Variants in LUZP2 observed in about 807,000 individuals in gnomAD.
LUZP2 encodes leucine zipper protein 2.
In LUZP2, 52 loss-of-function variants were observed where a neutral mutation model predicts 51.6. That is an observed-to-expected ratio of 1.01 (90% CI 0.81 to 1.27). The LOEUF (loss-of-function observed/expected upper bound fraction) is 1.27, where lower values mean the gene tolerates loss of function less well. LUZP2 is among the 50% of genes most tolerant of loss of function. The pLI is 0.00. For missense variants in LUZP2, 436 were observed against 395.4 expected (o/e 1.10, Z -0.87); for synonymous variants, 154 against 137.3 (o/e 1.12, Z -0.85).
chr11:25,061,068 C>T (rs1468042318), intron 10 of LUZP2, among the ~76,000 whole-genome samples: 1 of 146,894 alleles, frequency 6.8e-6, no homozygotes, highest in African/African-American at 2.4e-5. Context: ...CTTCAATGTT[C>T]ATGAACTTAC....
At chr11:24,555,426 A>C (rs772852722) in intron 1 of LUZP2, among the ~76,000 whole-genome samples, 3 of 152,158 alleles carry the variant, frequency 2.0e-5, no homozygotes, top group African/African-American at 7.2e-5. Context: ...TCTCTAGCAA[A>C]TTTCTGCAAC....
At position 24,600,227 on chromosome 11, in the gene LUZP2, G is replaced by C. The variant is rs536832924; in HGVS notation, c.62+102922G>C. Among the ~76,000 whole-genome samples the C allele has an allele frequency of 1.2e-4, 18 of 149,336 alleles. No homozygotes were observed. The East Asian group carries it at 3.2e-3, about 26-fold the overall frequency. On this transcript the variant is annotated intron_variant, in intron 1 of 11. Transcript: ENST00000336930. ...CACACACACACACACACGCACAATG[G>C]GGTAACATCATGTGAAGTCACAGAC... is the stretch of plus-strand genomic sequence containing the variant.
intron 5 of LUZP2, among the ~76,000 whole-genome samples, chr11:24,781,209 C>T (rs145565015): frequency 0.012 from 1,826 of 152,174 alleles, 21 homozygotes; most frequent in Non-Finnish European, 0.018. Flanking sequence ...AGGTTTGTTA[C>T]ATAGGTATAC....
At chr11:24,857,784 T>C (rs1177784419) in intron 5 of LUZP2, among the ~76,000 whole-genome samples, 2 of 152,014 alleles carry the variant, frequency 1.3e-5, no homozygotes, top group Admixed American at 6.6e-5. Flanking sequence ...CCACCCCTGA[T>C]TCCTACCCCT....
chr11:24,565,539 G>A (rs1852188457), intron 1 of LUZP2, among the ~76,000 whole-genome samples: 1 of 151,950 alleles, frequency 6.6e-6, no homozygotes, highest in Non-Finnish European at 1.5e-5. Flanking sequence ...ACTTGATAGG[G>A]GCATTAAAAT....
In LUZP2 at chr11:25,079,015, T is replaced by C; in HGVS notation, c.*357T>C. On this transcript the variant is annotated 3_prime_UTR_variant, in exon 12 of 12. Coordinates refer to ENST00000336930, the MANE Select transcript of LUZP2 (RefSeq NM_001009909.4). The stretch of plus-strand genomic sequence containing the variant: ...AAATCAACTGGAGGATAATAAAATA[T>C]TGTGGGTTCTCAGCATTCTTAGAAT... The C allele has an allele frequency of 5.7e-6, 1 of 174,062 alleles. No individual in the cohort carries two copies. The highest frequency in any genetic ancestry group is 1.4e-4 in the South Asian group (1 of 6,978). The allele number at this position is 174,062 out of a possible 1,614,324, so 10.8% of individuals were successfully genotyped here. A position where few individuals can be genotyped will look rare whatever the true frequency, so the allele number is the denominator to read the frequency against.
At chr11:24,540,265 T>G (rs756080913) in intron 1 of LUZP2, among the ~76,000 whole-genome samples, 1 of 152,050 alleles carries the variant, frequency 6.6e-6, no homozygotes, top group African/African-American at 2.4e-5. Context: ...GTGTTATAGA[T>G]TGAATGTTTG....
intron 5 of LUZP2, among the ~76,000 whole-genome samples, chr11:24,903,219 A>G (rs1225508969): frequency 2.0e-5 from 3 of 152,186 alleles, no homozygotes; most frequent in Admixed American, 6.5e-5. Flanking sequence ...GAATTAATGT[A>G]TATCAGATTC....
chr11:25,025,147 G>T (rs886487344), intron 9 of LUZP2, among the ~76,000 whole-genome samples: 1 of 151,834 alleles, frequency 6.6e-6, no homozygotes, highest in Admixed American at 6.6e-5. Context: ...AAATTAATTC[G>T]AGATGGATTA....
chr11:24,840,067 AT>A (rs1323688611), intron 5 of LUZP2, among the ~76,000 whole-genome samples: 16 of 151,814 alleles, frequency 1.1e-4, no homozygotes, highest in Middle Eastern at 6.8e-3. Flanking sequence ...TTTAAATTTC[AT>A]TTAACAGCAC....
At chr11:24,610,250 T>C (rs540040479) in intron 1 of LUZP2, among the ~76,000 whole-genome samples, 78 of 152,120 alleles carry the variant, frequency 5.1e-4, no homozygotes, top group Non-Finnish European at 6.8e-4. Context: ...CTGGAGGTTG[T>C]GGGGGAAAAT....
At chr11:25,004,275 T>A (rs888888835) in intron 9 of LUZP2, among the ~76,000 whole-genome samples, 1 of 152,140 alleles carries the variant, frequency 6.6e-6, no homozygotes, top group Non-Finnish European at 1.5e-5. Context: ...CACTGGACAA[T>A]CTTTTTTAAA....
intron 9 of LUZP2, among the ~76,000 whole-genome samples, chr11:25,020,405 C>T (rs1031208): frequency 0.38 from 57,705 of 151,870 alleles, 13,319 homozygotes; most frequent in East Asian, 0.77. Flanking sequence ...ACAACCTAGC[C>T]TATTTTGTGA....
At chr11:24,995,989 G>T (rs1856484406) in intron 9 of LUZP2, among the ~76,000 whole-genome samples, 1 of 149,938 alleles carries the variant, frequency 6.7e-6, no homozygotes, top group South Asian at 2.1e-4. Flanking sequence ...CATTTTTATT[G>T]TTAATGTTAT....
chr11:24,632,779 T>C (rs1452522033), intron 1 of LUZP2, among the ~76,000 whole-genome samples: 3 of 151,968 alleles, frequency 2.0e-5, no homozygotes, highest in Non-Finnish European at 4.4e-5. Flanking sequence ...AAATGCAAAA[T>C]ATCACACAGA....
intron 2 of LUZP2, 44 bp downstream of exon 2, chr11:24,729,330 C>A: frequency 9.4e-7 from 1 of 1,060,376 alleles, no homozygotes; most frequent in South Asian, 1.9e-5. Context: ...GAGGAGCAGT[C>A]ATCTGATTTT....
At chr11:24,765,130 T>C (rs1158633627) in intron 5 of LUZP2, among the ~76,000 whole-genome samples, 1 of 152,214 alleles carries the variant, frequency 6.6e-6, no homozygotes, top group Non-Finnish European at 1.5e-5. Context: ...TTTTCAATTT[T>C]ACTCCTTTAT....
At chr11:24,603,658 G>T (rs1346739599) in intron 1 of LUZP2, among the ~76,000 whole-genome samples, 1 of 151,714 alleles carries the variant, frequency 6.6e-6, no homozygotes, top group Admixed American at 6.6e-5. Flanking sequence ...ATGCATTGTT[G>T]TTCTGTGTCT....
intron 8 of LUZP2, among the ~76,000 whole-genome samples, chr11:24,978,129 A>G (rs1170298434): frequency 2.6e-5 from 4 of 151,682 alleles, no homozygotes; most frequent in Admixed American, 6.6e-5. Flanking sequence ...TATAAAATAG[A>G]GGGGAGCTTG....
Sources: allele counts gnomAD v4.1 joint callset (sites outside exome capture counted in the v4.1 genomes callset), GRCh38; gene constraint gnomAD v4.1.1; transcripts MANE v1.5; gene names NCBI Gene and HGNC (gene_info 2026-07-23, HGNC 2026-07-21).